APBA2: variants seen among roughly 807,000 people sequenced by gnomAD.
APBA2 encodes the protein amyloid-beta A4 precursor protein-binding family A member 2.
In APBA2, 30 loss-of-function variants were observed where a neutral mutation model predicts 75.0. The ratio of observed to expected loss-of-function variants is 0.40; its 90% CI spans 0.30 to 0.54. The LOEUF is 0.54. APBA2 is among the 20% of genes least tolerant of loss of function. APBA2 has a pLI of 0.49. For synonymous variants in APBA2, 444 were observed against 409.6 expected, an observed-to-expected ratio of 1.08 and a Z score of -1.01; for missense variants, 801 against 1,016.1, an observed-to-expected ratio of 0.79 and a Z score of 2.88.
intron 3 of APBA2, among the ~76,000 whole-genome samples, chr15:29,052,735 G>T (rs2041664014): frequency 6.6e-6 from 1 of 152,146 alleles, no homozygotes; most frequent in Non-Finnish European, 1.5e-5. Flanking sequence ...ATGGAGATTT[G>T]TTTCTCACAG....
In APBA2 at chr15:29,001,423, C is replaced by G. The variant is rs559627539; in HGVS notation, c.-41+5617C>G. Among the ~76,000 whole-genome samples the G allele has an allele frequency of 2.2e-3, 330 of 152,262 alleles. 1 individual carries two copies. Among genetic ancestry groups the G allele is most frequent in the African/African-American group, 7.7e-3 (320 of 41,568 alleles). On this transcript the variant is annotated intron_variant, in intron 3 of 14. Coordinates refer to ENST00000683413, the MANE Select transcript of APBA2 (RefSeq NM_001353788.2). ...AGGGCATTTCACCATATTGTTCAGA[C>G]TGGTCTCGAACTCCTGGCCTCAAGT...
At chr15:29,036,014 G>A (rs2040731615) in intron 3 of APBA2, among the ~76,000 whole-genome samples, 2 of 152,264 alleles carry the variant, frequency 1.3e-5, no homozygotes, top group Non-Finnish European at 2.9e-5. Context: ...TCCACCGCTG[G>A]TGACCCCCTT....
At chr15:28,955,433 G>A (rs537788066) in intron 2 of APBA2, among the ~76,000 whole-genome samples, 1 of 152,244 alleles carries the variant, frequency 6.6e-6, no homozygotes, top group South Asian at 2.1e-4. Flanking sequence ...CTGGAACCCT[G>A]TCCTCTGATT....
chr15:28,926,573 G>A (rs1033266164), intron 2 of APBA2, among the ~76,000 whole-genome samples: 2 of 151,952 alleles, frequency 1.3e-5, no homozygotes, highest in Non-Finnish European at 1.5e-5. Flanking sequence ...TAAGAGTAAG[G>A]AAAATAGAAA....
intron 2 of APBA2, among the ~76,000 whole-genome samples, chr15:28,986,863 A>G (rs1412643362): frequency 6.6e-6 from 1 of 152,232 alleles, no homozygotes; most frequent in African/African-American, 2.4e-5. Context: ...GGTGGTTTAC[A>G]AACAACAGAC....
At chr15:28,987,574 G>A (rs980978076) in intron 2 of APBA2, among the ~76,000 whole-genome samples, 6 of 151,602 alleles carry the variant, frequency 4.0e-5, no homozygotes, top group African/African-American at 9.7e-5. Flanking sequence ...AGAGGAAGCC[G>A]CTGTGCCTTT....
chr15:28,901,244 T>C (rs1262891956), intron 1 of APBA2, among the ~76,000 whole-genome samples: 2 of 152,096 alleles, frequency 1.3e-5, no homozygotes, highest in Non-Finnish European at 2.9e-5. Flanking sequence ...GGCCTGAGGA[T>C]CTGAAAGGGT....
chr15:28,925,782 T>C (rs528147201), intron 2 of APBA2, among the ~76,000 whole-genome samples: 1 of 152,346 alleles, frequency 6.6e-6, no homozygotes, highest in South Asian at 2.1e-4. Flanking sequence ...TCTCCACTTA[T>C]AATAGTGGAT....
intron 2 of APBA2, among the ~76,000 whole-genome samples, chr15:28,980,596 T>C (rs1251291211): frequency 6.6e-6 from 1 of 152,194 alleles, no homozygotes; most frequent in Non-Finnish European, 1.5e-5. Context: ...AGAATCAATA[T>C]TGTTAAAATG....
chr15:28,979,445 C>A (rs1178536243), intron 2 of APBA2, among the ~76,000 whole-genome samples: 1 of 152,258 alleles, frequency 6.6e-6, no homozygotes, highest in African/African-American at 2.4e-5. Context: ...GCTCTGCTGC[C>A]TGCCTGTCTG....
At chr15:29,103,760 G>A (rs1423242912) in intron 10 of APBA2, among the ~76,000 whole-genome samples, 8 of 152,252 alleles carry the variant, frequency 5.3e-5, no homozygotes, top group African/African-American at 1.9e-4. Context: ...CTCTCAGGCC[G>A]TCCTTCCCAG....
At chr15:29,027,614 T>C (rs1332203274) in intron 3 of APBA2, among the ~76,000 whole-genome samples, 1 of 152,028 alleles carries the variant, frequency 6.6e-6, no homozygotes, top group Non-Finnish European at 1.5e-5. Context: ...TTTCTTTTTT[T>C]TTCTTTTTGA....
At chr15:29,057,757 T>C (rs1364226237) in intron 4 of APBA2, among the ~76,000 whole-genome samples, 1 of 152,228 alleles carries the variant, frequency 6.6e-6, no homozygotes, top group Non-Finnish European at 1.5e-5. Context: ...GCATGCAGAT[T>C]GTGAGTGGCA....
At chr15:29,027,290 G>T (rs1189278834) in intron 3 of APBA2, among the ~76,000 whole-genome samples, 3 of 151,942 alleles carry the variant, frequency 2.0e-5, no homozygotes, top group Non-Finnish European at 2.9e-5. Context: ...CCTTTATTAG[G>T]TTACCTTGTT....
At chr15:28,994,702 G>A (rs527519362) in intron 2 of APBA2, among the ~76,000 whole-genome samples, 5 of 152,324 alleles carry the variant, frequency 3.3e-5, no homozygotes, top group African/African-American at 1.2e-4. Context: ...TAGGAAGTGA[G>A]AGCAACTGGC....
At chr15:29,028,154 C>G (rs997906269) in intron 3 of APBA2, among the ~76,000 whole-genome samples, 1 of 152,008 alleles carries the variant, frequency 6.6e-6, no homozygotes, top group Non-Finnish European at 1.5e-5. Flanking sequence ...CTCCCTCCCC[C>G]GATCCCACCC....
intron 2 of APBA2, among the ~76,000 whole-genome samples, chr15:28,932,074 C>T (rs1178879253): frequency 6.6e-6 from 1 of 152,148 alleles, no homozygotes. Context: ...CCACAGTTGC[C>T]TAGACCGACC....
At chr15:29,061,271 T>C (rs898709799) in intron 4 of APBA2, among the ~76,000 whole-genome samples, 2 of 152,172 alleles carry the variant, frequency 1.3e-5, no homozygotes, top group African/African-American at 2.4e-5. Context: ...ACTGAAAAGG[T>C]CAGCCCTGCC....
intron 10 of APBA2, 47 bp from the exon 11 acceptor site, chr15:29,105,332 G>A (rs746202038): frequency 6.2e-5 from 99 of 1,585,952 alleles, no homozygotes; most frequent in Non-Finnish European, 8.1e-5. Context: ...AGGCTGCGGG[G>A]AGCCTGTGCC....
Sources: gnomAD v4.1 joint callset for allele counts (sites outside exome capture counted in the v4.1 genomes callset) on GRCh38, gnomAD v4.1.1 for gene constraint, MANE v1.5 for transcripts, NCBI Gene and HGNC (gene_info 2026-07-23, HGNC 2026-07-21) for gene names.